The following MCTP1 variants were observed in gnomAD, a reference collection of about 807,000 sequenced individuals.
MCTP1 encodes multiple C2 and transmembrane domain-containing protein 1.
MCTP1 carries 69 observed loss-of-function variants against 120.6 expected under a neutral mutation model. That is an observed-to-expected ratio of 0.57 (90% CI 0.47 to 0.70). The LOEUF (loss-of-function observed/expected upper bound fraction) is 0.70, where lower values mean the gene tolerates loss of function less well. Ranked by LOEUF, MCTP1 falls within the 30% of genes least tolerant of loss-of-function variation. MCTP1 has a pLI of 0.00. For missense variants in MCTP1, 1,203 were observed against 1,248.8 expected (o/e 0.96, Z 0.55); for synonymous variants, 529 against 493.1 (o/e 1.07, Z -0.96).
chr5:95,271,906 A>G (rs1322136214), intron 1 of MCTP1, among the ~76,000 whole-genome samples: 1 of 152,114 alleles, frequency 6.6e-6, no homozygotes, highest in Non-Finnish European at 1.5e-5. Context: ...CCGTCTTCCA[A>G]TTGTTTTATA....
rs191192487 is a variant in MCTP1 at position 95,205,509 on chromosome 5, T to C, written c.720+78347A>G. ...GTACTTCATCAAAATTAATGTGAAA[T>C]AATTTGCGTTTCAAAGGATACCAAC... On this transcript the variant is annotated intron_variant, in intron 1 of 22. Transcript: ENST00000515393. Among the ~76,000 whole-genome samples the C allele has an allele frequency of 3.9e-5, 6 of 152,206 alleles. No homozygotes were observed. In the East Asian group the frequency reaches 1.2e-3, roughly 29 times the overall value.
At chr5:95,126,183 A>C (rs1483592408) in intron 1 of MCTP1, among the ~76,000 whole-genome samples, 1 of 152,208 alleles carries the variant, frequency 6.6e-6, no homozygotes, top group East Asian at 1.9e-4. Context: ...TGCACTGTTG[A>C]ATAAGAGGGT....
intron 1 of MCTP1, among the ~76,000 whole-genome samples, chr5:95,157,069 C>T (rs1425359011): frequency 6.6e-6 from 1 of 152,118 alleles, no homozygotes; most frequent in Non-Finnish European, 1.5e-5. Context: ...TTATAATTTA[C>T]TCTGTGGCCC....
At chr5:95,063,604 A>T (rs536662865) in intron 1 of MCTP1, among the ~76,000 whole-genome samples, 1 of 152,064 alleles carries the variant, frequency 6.6e-6, no homozygotes, top group African/African-American at 2.4e-5. Flanking sequence ...ACTACAGCAC[A>T]CTCTTTATTC....
At chr5:95,011,854 G>T (rs1187267047) in intron 2 of MCTP1, among the ~76,000 whole-genome samples, 1 of 152,090 alleles carries the variant, frequency 6.6e-6, no homozygotes, top group Non-Finnish European at 1.5e-5. Flanking sequence ...GTCATTAAAT[G>T]TTCCTTTAAG....
intron 1 of MCTP1, among the ~76,000 whole-genome samples, chr5:95,029,454 A>G (rs1193473524): frequency 6.6e-6 from 1 of 152,202 alleles, no homozygotes; most frequent in Non-Finnish European, 1.5e-5. Context: ...TCTCCTCAGA[A>G]AGATTAAAGT....
At chr5:94,935,743 A>AG (rs1407319299) in intron 5 of MCTP1, among the ~76,000 whole-genome samples, 1 of 152,020 alleles carries the variant, frequency 6.6e-6, no homozygotes, top group Non-Finnish European at 1.5e-5. Context: ...TTGCTCTGTG[A>AG]GGGTCAATGT....
intron 2 of MCTP1, among the ~76,000 whole-genome samples, chr5:94,984,819 G>A (rs1830165757): frequency 6.6e-6 from 1 of 152,018 alleles, no homozygotes; most frequent in South Asian, 2.1e-4. Flanking sequence ...GAACACATTC[G>A]ATAAGTATTC....
intron 6 of MCTP1, among the ~76,000 whole-genome samples, chr5:94,925,190 TAATAAC>T (rs1342274218): frequency 6.6e-6 from 1 of 152,112 alleles, no homozygotes; most frequent in Non-Finnish European, 1.5e-5. Context: ...AGTCTAATGA[TAATAAC>T]AATAACAACA....
chr5:95,194,909 C>T (rs768315621), intron 1 of MCTP1, among the ~76,000 whole-genome samples: 8 of 152,134 alleles, frequency 5.3e-5, no homozygotes, highest in African/African-American at 1.2e-4. Context: ...AGAGAAAAGG[C>T]GAGACTTCAA....
At chr5:95,274,445 G>A (rs1405167550) in intron 1 of MCTP1, among the ~76,000 whole-genome samples, 1 of 151,960 alleles carries the variant, frequency 6.6e-6, no homozygotes, top group Non-Finnish European at 1.5e-5. Context: ...ATGGCCTGTG[G>A]GACCCACCCC....
chr5:95,096,452 G>A (rs925605910), intron 1 of MCTP1, among the ~76,000 whole-genome samples: 1 of 152,118 alleles, frequency 6.6e-6, no homozygotes, highest in African/African-American at 2.4e-5. Flanking sequence ...CTCTAAGGAA[G>A]AGTGATTATA....
chr5:94,918,176 T>G (rs1273000846), intron 7 of MCTP1, among the ~76,000 whole-genome samples: 1 of 152,226 alleles, frequency 6.6e-6, no homozygotes, highest in Non-Finnish European at 1.5e-5. Context: ...GCCACTATTT[T>G]CTTTAGTAGA....
At chr5:95,154,737 A>G (rs1322016719) in intron 1 of MCTP1, among the ~76,000 whole-genome samples, 1 of 152,166 alleles carries the variant, frequency 6.6e-6, no homozygotes, top group Non-Finnish European at 1.5e-5. Flanking sequence ...GAAAGCCAAT[A>G]AAACTAGACT....
intron 19 of MCTP1, among the ~76,000 whole-genome samples, chr5:94,777,346 G>GT (rs1165436000): frequency 6.6e-6 from 1 of 152,146 alleles, no homozygotes; most frequent in African/African-American, 2.4e-5. Context: ...TGACATCTAT[G>GT]TTTTGGTGAG....
intron 1 of MCTP1, among the ~76,000 whole-genome samples, chr5:95,280,355 T>G (rs1368146698): frequency 6.6e-6 from 1 of 152,224 alleles, no homozygotes; most frequent in Non-Finnish European, 1.5e-5. Flanking sequence ...ACAAAATTTA[T>G]TTAAAGAGAA....
intron 2 of MCTP1, among the ~76,000 whole-genome samples, chr5:94,986,893 G>A (rs1830517669): frequency 6.6e-6 from 1 of 152,068 alleles, no homozygotes; most frequent in South Asian, 2.1e-4. Flanking sequence ...ACTGGTTTCA[G>A]GATCCACATG....
intron 11 of MCTP1, among the ~76,000 whole-genome samples, chr5:94,892,112 C>T (rs896796618): frequency 6.6e-6 from 1 of 152,108 alleles, no homozygotes; most frequent in Non-Finnish European, 1.5e-5. Context: ...CCTATGGCAT[C>T]GAGATGCTCT....
In MCTP1 at chr5:95,253,444, A is replaced by C. The variant is rs114119558; in HGVS notation, c.720+30412T>G. On this transcript the variant is annotated intron_variant, in intron 1 of 22. Coordinates refer to ENST00000515393, the MANE Select transcript of MCTP1 (RefSeq NM_024717.7). ...TAACACATGACATACACTAGTTTACATTTAATAGAAAATTAATTAAGACAC... is the reference window on the plus strand; with the variant it reads ...TAACACATGACATACACTAGTTTACCTTTAATAGAAAATTAATTAAGACAC... 4.1e-3 allele frequency among the ~76,000 whole-genome samples: 629 copies of C among 152,256 alleles called. 2 individuals carry two copies. The highest frequency in any genetic ancestry group is 0.014 in the African/African-American group (590 of 41,572).
Sources: gnomAD v4.1 joint callset for allele counts (sites outside exome capture counted in the v4.1 genomes callset) on GRCh38, gnomAD v4.1.1 for gene constraint, MANE v1.5 for transcripts, NCBI Gene and HGNC (gene_info 2026-07-23, HGNC 2026-07-21) for gene names.